The following LMO7 variants were observed in gnomAD, a reference collection of about 807,000 sequenced individuals.
The protein encoded by LMO7 is LIM domain 7.
A neutral mutation model predicts 206.5 loss-of-function variants in LMO7; 120 were observed. The ratio of observed to expected loss-of-function variants is 0.58; its 90% CI spans 0.50 to 0.68. The LOEUF is 0.68. Among genes scored for constraint, LMO7 ranks in the 30% least tolerant of loss-of-function variants. The probability of loss-of-function intolerance (pLI) is 0.00; values close to 1 mark genes in which losing one functional copy is unlikely to be tolerated. For missense variants in LMO7, 1,959 were observed against 1,957.9 expected (o/e 1.00, Z -0.01); for synonymous variants, 706 against 681.5 (o/e 1.04, Z -0.56).
At chr13:75,761,060 G>GAT (rs10563264) in intron 4 of LMO7, 22 bp downstream of exon 4, 18,257 of 1,151,054 alleles carry the variant, frequency 0.016, 79 homozygotes, top group Middle Eastern at 0.02. Context: ...CAGTTTGTTA[G>GAT]ATATATATAT....
chr13:75,688,212 T>G (rs1430267986), intron 1 of LMO7, among the ~76,000 whole-genome samples: 1 of 152,112 alleles, frequency 6.6e-6, no homozygotes, highest in Admixed American at 6.5e-5. Context: ...ACAGTACCTT[T>G]AAACCAAGTC....
chr13:75,712,131 T>G (rs1337802531), intron 1 of LMO7, among the ~76,000 whole-genome samples: 12 of 152,226 alleles, frequency 7.9e-5, no homozygotes, highest in Admixed American at 7.9e-4. Context: ...ACCGTGAAGC[T>G]GGCAGTAGTG....
intron 3 of LMO7, among the ~76,000 whole-genome samples, chr13:75,753,391 C>T (rs2047427446): frequency 6.6e-6 from 1 of 152,116 alleles, no homozygotes; most frequent in Non-Finnish European, 1.5e-5. Context: ...ATTTCTTTTG[C>T]TGTGCAGAAG....
intron 27 of LMO7, among the ~76,000 whole-genome samples, chr13:75,852,410 A>G (rs1428993533): frequency 6.6e-6 from 1 of 152,170 alleles, no homozygotes; most frequent in Non-Finnish European, 1.5e-5. Context: ...TGGGTGATGA[A>G]ATAATCTGTA....
chr13:75,669,968 C>G (rs2039409421), intron 1 of LMO7, among the ~76,000 whole-genome samples: 1 of 152,166 alleles, frequency 6.6e-6, no homozygotes, highest in African/African-American at 2.4e-5. Flanking sequence ...TCCCTTACAG[C>G]TATGCCTGCT....
intron 4 of LMO7, among the ~76,000 whole-genome samples, chr13:75,770,198 G>A (rs1265459728): frequency 4.0e-5 from 6 of 150,240 alleles, no homozygotes; most frequent in Non-Finnish European, 5.9e-5. Context: ...TTTCCCCACC[G>A]AAGGGGCCTG....
intron 11 of LMO7, among the ~76,000 whole-genome samples, chr13:75,813,635 A>G (rs1029298854): frequency 6.6e-6 from 1 of 152,118 alleles, no homozygotes; most frequent in Non-Finnish European, 1.5e-5. Flanking sequence ...TCCAGAGTGT[A>G]TTTGGTTCAC....
intron 1 of LMO7, among the ~76,000 whole-genome samples, chr13:75,662,256 C>G (rs947717032): frequency 8.5e-5 from 13 of 152,180 alleles, no homozygotes; most frequent in African/African-American, 3.1e-4. Flanking sequence ...TCCCATGAGT[C>G]TTGTTCAATG....
rs550226092 is a variant in LMO7, at chr13:75,804,709, C to T, written c.914+168C>T. ...ATTTTTAGTTATACATATCTTGAAG[C>T]CATTTCTTCTGTTTTAGAATGTCAG... is the stretch of plus-strand genomic sequence containing the variant. On this transcript the variant is annotated intron_variant, in intron 8 of 30. Coordinates refer to ENST00000377534, the MANE Select transcript of LMO7 (RefSeq NM_001306080.2). 2.7e-5 allele frequency: 29 copies of T among 1,054,776 alleles called. No individual in the cohort carries two copies. The African/African-American group carries it at 4.0e-4, about 15-fold the overall frequency. 65.3% of individuals were successfully genotyped at this position (1,054,776 alleles called of 1,614,324 possible). A position where few individuals can be genotyped will look rare whatever the true frequency, so the allele number is the denominator to read the frequency against.
intron 2 of LMO7, among the ~76,000 whole-genome samples, chr13:75,716,704 A>G (rs2043559973): frequency 6.6e-6 from 1 of 152,120 alleles, no homozygotes; most frequent in Non-Finnish European, 1.5e-5. Flanking sequence ...GCCTTATTAT[A>G]TATATTTAAA....
rs554843463 is a variant in LMO7, at chr13:75,765,562, G to A, written c.317+4524G>A. Among the ~76,000 whole-genome samples, 164 of 152,078 alleles carry A rather than the reference G, an allele frequency of 1.1e-3. 1 individual carries two copies. The highest frequency in any genetic ancestry group is 3.8e-3 in the African/African-American group (157 of 41,534). ...TCTCTATCCCATTCAACCATTCTCT[G>A]TTGTGAAGTGCTTACTGGAAGGGAT... is the stretch of plus-strand genomic sequence containing the variant. On this transcript the variant is annotated intron_variant, in intron 4 of 30. Coordinates refer to ENST00000377534, the MANE Select transcript of LMO7 (RefSeq NM_001306080.2).
Position 75,699,834 on chromosome 13 carries a change from C to T in LMO7, c.70-13348C>T, listed in dbSNP as rs576596274. 2.0e-4 allele frequency among the ~76,000 whole-genome samples: 31 copies of T among 152,268 alleles called. 1 individual carries two copies. The South Asian group carries it at 5.6e-3, about 27-fold the overall frequency. On this transcript the variant is annotated intron_variant, in intron 1 of 30. Transcript: ENST00000377534. ...GCAGAGAACTGGTCTGACTAGAATT[C>T]GCCAGGCTGGAATTTCTTAATCCTA... is the stretch of plus-strand genomic sequence containing the variant.
rs372901805 is a variant in LMO7, at chr13:75,769,298, T to C, written c.317+8260T>C. On this transcript the variant is annotated intron_variant, in intron 4 of 30. Transcript: ENST00000377534. ...AGTCCTGGGTGGCATTGGTTGTTGG[T>C]GGATTTATCCTTTGTTTTTCAGAGA... 1.5e-4 allele frequency among the ~76,000 whole-genome samples: 23 copies of C among 152,102 alleles called. 1 individual carries two copies. The East Asian group carries it at 4.5e-3, about 29-fold the overall frequency.
intron 20 of LMO7, chr13:75,838,456 A>T (rs2059327890): frequency 2.6e-5 from 7 of 269,804 alleles, no homozygotes; most frequent in African/African-American, 2.9e-5. Flanking sequence ...AACTTTGTAA[A>T]AAAAAAAAAA....
chr13:75,668,725 G>A (rs1275711426), intron 1 of LMO7, among the ~76,000 whole-genome samples: 2 of 152,150 alleles, frequency 1.3e-5, no homozygotes, highest in African/African-American at 4.8e-5. Context: ...TCTAATGGGA[G>A]CTACTTGACC....
chr13:75,656,996 C>T (rs772325016), intron 1 of LMO7, among the ~76,000 whole-genome samples: 2 of 152,100 alleles, frequency 1.3e-5, no homozygotes, highest in African/African-American at 2.4e-5. Flanking sequence ...TCAAGTTAAA[C>T]GAGATTGTTA....
At chr13:75,761,139 T>A in intron 4 of LMO7, 101 bp downstream of exon 4, 1 of 741,070 alleles carries the variant, frequency 1.3e-6, no homozygotes, top group South Asian at 2.3e-5. Flanking sequence ...TACAGAAAAA[T>A]TCTTCTGTTC....
rs1198498682 is a variant in LMO7, at chr13:75,782,349, C to T, written c.318-13052C>T. Among the ~76,000 whole-genome samples the T allele has an allele frequency of 2.0e-5, 3 of 152,116 alleles. No homozygotes were observed. The East Asian group carries it at 5.8e-4, about 29-fold the overall frequency. ...ATATGCTGTGAATAGACTTTTAGGT[C>T]AGATCAACTGGGGCTTGAATTATAA... On this transcript the variant is annotated intron_variant, in intron 4 of 30. Transcript: ENST00000377534.
In LMO7 at chr13:75,853,139, G is replaced by C. The variant is rs769787890; in HGVS notation, c.4412G>C (p.Arg1471Thr). The change falls in exon 28 of 31, where the codon AGA (arginine) becomes ACA (threonine). Residue 1471 changes from arginine (R) to threonine (T), a missense_variant. Arg to Thr is a moderately conservative substitution (Grantham distance 71). Transcript: ENST00000377534. Reference protein sequence around the residue: ...NLDSPRSNSWRQPPWLNQPTG... With the variant: ...NLDSPRSNSWTQPPWLNQPTG... ...GACTCCCCCCGATCCAATTCTTGGA[G>C]ACAGCCTCCTTGGCTCAATCAGCCC... 5.0e-6 allele frequency: 8 copies of C among 1,613,446 alleles called. No homozygotes were observed. The highest frequency in any genetic ancestry group is 6.8e-6 in the Non-Finnish European group (8 of 1,179,692).
Sources: allele counts gnomAD v4.1 joint callset (sites outside exome capture counted in the v4.1 genomes callset), GRCh38; gene constraint gnomAD v4.1.1; transcripts MANE v1.5; gene names NCBI Gene and HGNC (gene_info 2026-07-23, HGNC 2026-07-21).